Variants in RAP2C observed in about 807,000 individuals in gnomAD.
The protein encoded by RAP2C is RAP2C, member of RAS oncogene family.
RAP2C carries 3 observed loss-of-function variants against 8.9 expected under a neutral mutation model. The ratio of observed to expected loss-of-function variants is 0.34; its 90% CI spans 0.15 to 0.87. RAP2C has a LOEUF of 0.87. Ranked by LOEUF, RAP2C falls within the 40% of genes least tolerant of loss-of-function variation. The probability of loss-of-function intolerance (pLI) is 0.51; values close to 1 mark genes in which losing one functional copy is unlikely to be tolerated. For synonymous variants in RAP2C, 60 were observed against 52.1 expected (o/e 1.15, Z -0.65); for missense variants, 76 against 133.7 (o/e 0.57, Z 2.13).
intron 5 of RAP2C, among the ~76,000 whole-genome samples, chrX:132,213,024 G>GT (rs1930473967): frequency 9.0e-6 from 1 of 111,667 alleles, no homozygotes; most frequent in Non-Finnish European, 1.9e-5. Flanking sequence ...ATTAGGGACC[G>GT]TTAGTCTTTT....
At chrX:132,215,888 TA>T (rs1170384218) in intron 4 of RAP2C, among the ~76,000 whole-genome samples, 1,192 of 104,866 alleles carry the variant, frequency 0.011, 7 homozygotes, top group South Asian at 0.019. Context: ...TTTATCATCT[TA>T]AAAAAAAAAA....
At chrX:132,209,425 T>C (rs1930366532) in intron 5 of RAP2C, among the ~76,000 whole-genome samples, 1 of 112,303 alleles carries the variant, frequency 8.9e-6, no homozygotes, top group Non-Finnish European at 1.9e-5. Context: ...CAACTCTAAA[T>C]TGCTTTTTCT....
At chrX:132,209,748 A>T (rs753612720) in intron 5 of RAP2C, among the ~76,000 whole-genome samples, 1 of 111,654 alleles carries the variant, frequency 9.0e-6, no homozygotes, top group East Asian at 2.8e-4. Context: ...ATAAAAGCCT[A>T]ATCTTGAGGT....
intron 5 of RAP2C, among the ~76,000 whole-genome samples, chrX:132,211,228 G>A (rs1930421239): frequency 9.0e-6 from 1 of 111,423 alleles, no homozygotes; most frequent in Admixed American, 9.5e-5. Flanking sequence ...CTCTGTTCCA[G>A]TTGGTTGTGG....
Position 132,203,757 on chromosome X carries a change from T to A in RAP2C, c.*1865A>T, listed in dbSNP as rs1318945731. ...TTTGGTATTAAAGTGCAAACTTAAA[T>A]TAAGTATTCACTTCAAGCAGTTCAT... On this transcript the variant is annotated 3_prime_UTR_variant, in exon 6 of 6. Coordinates refer to ENST00000370874, the MANE Select transcript of RAP2C (RefSeq NM_001271186.2). 8.9e-6 allele frequency: 1 copy of A among 112,145 alleles called. No homozygotes were observed. Among genetic ancestry groups the A allele is most frequent in the African/African-American group, 3.2e-5 (1 of 30,831 alleles). The allele number at this position is 112,145 out of a possible 1,213,427, so 9.2% of individuals were successfully genotyped here.
chrX:132,212,587 A>C (rs1930460310), intron 5 of RAP2C, among the ~76,000 whole-genome samples: 1 of 112,519 alleles, frequency 8.9e-6, no homozygotes, highest in Admixed American at 9.4e-5. Flanking sequence ...TAAAAAGATG[A>C]TAAAACTAAC....
chrX:132,208,547 A>G (rs1232591114), intron 5 of RAP2C, among the ~76,000 whole-genome samples: 1 of 111,184 alleles, frequency 9.0e-6, no homozygotes, highest in Non-Finnish European at 1.9e-5. Flanking sequence ...TAATGATGTT[A>G]ATAAATCATC....
At chrX:132,219,049 A>G (rs943676568) in intron 1 of RAP2C, among the ~76,000 whole-genome samples, 2 of 112,222 alleles carry the variant, frequency 1.8e-5, no homozygotes, top group Non-Finnish European at 3.8e-5. Flanking sequence ...TAAAATTGTT[A>G]CTTCCGACTA....
At chrX:132,209,162 A>T (rs1222805625) in intron 5 of RAP2C, among the ~76,000 whole-genome samples, 2 of 111,981 alleles carry the variant, frequency 1.8e-5, no homozygotes, top group African/African-American at 6.5e-5. Flanking sequence ...CCTTGAATGG[A>T]GGTGGAATCA....
Position 132,217,297 on chromosome X carries a change from A to AG in RAP2C, c.-30dup, listed in dbSNP as rs779969358. On this transcript the variant is annotated 5_prime_UTR_variant, in exon 4 of 6. Transcript: ENST00000370874. ...TCTCACCTTCACCAACTCCTACCAGAGGGGGGGAAAGATCACCCCGCTAGC... is the reference window on the plus strand; with the variant it reads ...TCTCACCTTCACCAACTCCTACCAGAGGGGGGGGAAAGATCACCCCGCTAGC... 8.5e-6 allele frequency: 9 copies of AG among 1,054,661 alleles called. No individual in the cohort carries two copies. Among genetic ancestry groups the AG allele is most frequent in the African/African-American group, 7.8e-5 (4 of 51,519 alleles). The allele number at this position is 1,054,661 out of a possible 1,213,427, so 86.9% of individuals were successfully genotyped here. A position where few individuals can be genotyped will look rare whatever the true frequency, so the allele number is the denominator to read the frequency against.
rs748822073 is a variant in RAP2C at position 132,203,714 on chromosome X, TG to T, written c.*1907del. On this transcript the variant is annotated 3_prime_UTR_variant, in exon 6 of 6. Transcript: ENST00000370874. ...CATGATCACTTAACCTACTTTTAAA[TG>T]AGTGTTTGGTTTTAAGTTTGGTATT... 1.2e-4 allele frequency: 13 copies of T among 112,329 alleles called. No homozygotes were observed. Among genetic ancestry groups the T allele is most frequent in the Non-Finnish European group, 2.1e-4 (11 of 53,143 alleles). The allele number at this position is 112,329 out of a possible 1,213,427, so 9.3% of individuals were successfully genotyped here. A position where few individuals can be genotyped will look rare whatever the true frequency, so the allele number is the denominator to read the frequency against.
At chrX:132,214,488 T>C (rs1343966440) in intron 4 of RAP2C, 42 bp from the exon 5 acceptor site, 1 of 1,162,106 alleles carries the variant, frequency 8.6e-7, no homozygotes, top group African/African-American at 1.8e-5. Flanking sequence ...CATTATGCTG[T>C]TTGTATAACC....
chrX:132,212,445 A>G (rs1043619657), intron 5 of RAP2C, among the ~76,000 whole-genome samples: 1 of 112,125 alleles, frequency 8.9e-6, no homozygotes, highest in African/African-American at 3.2e-5. Context: ...GAAATTATTC[A>G]CCTGCCAATT....
At chrX:132,214,631 C>T in intron 4 of RAP2C, 185 bp from the exon 5 acceptor site, 1 of 661,954 alleles carries the variant, frequency 1.5e-6, no homozygotes, top group Non-Finnish European at 1.8e-6. Flanking sequence ...AGATAATTTC[C>T]AGAGACCCTA....
chrX:132,212,450 C>A (rs1930456892), intron 5 of RAP2C, among the ~76,000 whole-genome samples: 1 of 111,893 alleles, frequency 8.9e-6, no homozygotes, highest in Non-Finnish European at 1.9e-5. Context: ...TATTCACCTG[C>A]CAATTTGGCT....
At chrX:132,211,879 G>A (rs1930438683) in intron 5 of RAP2C, among the ~76,000 whole-genome samples, 1 of 111,131 alleles carries the variant, frequency 9.0e-6, no homozygotes, top group Non-Finnish European at 1.9e-5. Context: ...TTAGATCTGG[G>A]TCTGACAGAT....
rs1471912610 is a variant in RAP2C, at chrX:132,217,985, C to CCT, written c.-610_-609dup. ...CCAAGGCCATGGCCACCCGCTGGCT[C>CCT]CTCTGTCTCTCCGCTGCCCCAGCGC... On this transcript the variant is annotated 5_prime_UTR_variant, in exon 3 of 6. Coordinates refer to ENST00000370874, the MANE Select transcript of RAP2C (RefSeq NM_001271186.2). 1 of 111,797 alleles carries CCT rather than the reference C, an allele frequency of 8.9e-6. No individual in the cohort carries two copies. Among genetic ancestry groups the CCT allele is most frequent in the East Asian group, 2.9e-4 (1 of 3,461 alleles). 9.2% of individuals were successfully genotyped at this position (111,797 alleles called of 1,213,427 possible).
intron 5 of RAP2C, among the ~76,000 whole-genome samples, chrX:132,211,036 G>A (rs983408572): frequency 9.1e-6 from 1 of 109,951 alleles, no homozygotes; most frequent in African/African-American, 3.3e-5. Context: ...ACTCGGTGGC[G>A]CTTAACCAAG....
chrX:132,217,138 A>T lies in RAP2C; in HGVS notation c.131T>A (p.Ile44Asn), dbSNP rs1304893757. The change falls in exon 4 of 6, where the codon ATC (isoleucine) becomes AAC (asparagine). Residue 44 changes from isoleucine to asparagine, a missense_variant. Transcript: ENST00000370874. Reference protein sequence around the residue: ...PTIEDFYRKEIEVDSSPSVLE... With the variant: ...PTIEDFYRKENEVDSSPSVLE... The stretch of plus-strand genomic sequence containing the variant: ...CACGGAGGGGGAAGAGTCCACTTCG[A>T]TCTCTTTGCGGTAGAAATCTTCAAT... 8.3e-7 allele frequency: 1 copy of T among 1,204,718 alleles called. No homozygotes were observed. The highest frequency in any genetic ancestry group is 1.1e-6 in the Non-Finnish European group (1 of 892,180).
Sources: allele counts gnomAD v4.1 joint callset (sites outside exome capture counted in the v4.1 genomes callset), GRCh38; gene constraint gnomAD v4.1.1; transcripts MANE v1.5; gene names NCBI Gene and HGNC (gene_info 2026-07-23, HGNC 2026-07-21).